SKA2: variants seen among roughly 807,000 people sequenced by gnomAD.
SKA2 encodes the protein spindle and kinetochore associated complex subunit 2.
A neutral mutation model predicts 16.9 loss-of-function variants in SKA2; 13 were observed. The ratio of observed to expected loss-of-function variants is 0.77; its 90% CI spans 0.50 to 1.22. The LOEUF (loss-of-function observed/expected upper bound fraction) is 1.22. Among genes scored for constraint, SKA2 ranks in the 50% most tolerant of loss-of-function variants. SKA2 has a pLI of 0.00. For synonymous variants in SKA2, 47 were observed against 48.5 expected (o/e 0.97, Z 0.13); for missense variants, 107 against 139.7 (o/e 0.77, Z 1.18).
intron 2 of SKA2, among the ~76,000 whole-genome samples, chr17:59,126,992 T>C (rs2046376573): frequency 6.6e-6 from 1 of 152,196 alleles, no homozygotes; most frequent in African/African-American, 2.4e-5. Context: ...ACATTATAAG[T>C]GACATACATG....
At chr17:59,123,323 C>A (rs2046349253) in intron 2 of SKA2, among the ~76,000 whole-genome samples, 1 of 143,250 alleles carries the variant, frequency 7.0e-6, no homozygotes, top group Non-Finnish European at 1.5e-5. Flanking sequence ...CTTTGGGAAG[C>A]TGAAGCGGGT....
intron 1 of SKA2, among the ~76,000 whole-genome samples, chr17:59,143,304 A>G (rs2046507084): frequency 6.6e-6 from 1 of 151,920 alleles, no homozygotes; most frequent in Non-Finnish European, 1.5e-5. Context: ...CCCAGGTTCA[A>G]GCAATTCTCC....
chr17:59,138,839 G>A (rs571879137), intron 1 of SKA2, among the ~76,000 whole-genome samples: 8 of 152,162 alleles, frequency 5.3e-5, no homozygotes, highest in East Asian at 1.9e-4. Flanking sequence ...AATATATTGC[G>A]GTTGTCACAA....
chr17:59,122,355 AG>A (rs2046340917), intron 2 of SKA2, among the ~76,000 whole-genome samples: 1 of 152,082 alleles, frequency 6.6e-6, no homozygotes, highest in South Asian at 2.1e-4. Context: ...CACGCCTGCA[AG>A]TCCCAGCACT....
At chr17:59,150,892 A>G (rs2046572183) in intron 1 of SKA2, among the ~76,000 whole-genome samples, 1 of 152,246 alleles carries the variant, frequency 6.6e-6, no homozygotes, top group Non-Finnish European at 1.5e-5. Context: ...AACAAATTAT[A>G]AAGTATTACT....
chr17:59,149,962 C>T (rs1054669952), intron 1 of SKA2, among the ~76,000 whole-genome samples: 4 of 152,316 alleles, frequency 2.6e-5, no homozygotes, highest in Admixed American at 6.5e-5. Flanking sequence ...CTCGAGTGAT[C>T]TTCCCACCTC....
At chr17:59,114,791 T>C (rs2046285600) in intron 3 of SKA2, among the ~76,000 whole-genome samples, 1 of 152,098 alleles carries the variant, frequency 6.6e-6, no homozygotes, top group African/African-American at 2.4e-5. Context: ...TGTGGGGAAT[T>C]AATAGGAGGT....
In SKA2 at chr17:59,119,433, A is replaced by G. The variant is rs372053061; in HGVS notation, c.183T>C (p.Tyr61=). ...CAACAGCAACTGGTTTAAAGCGGGCATACAAAGTTTGATATCGAGACTTTA... is the reference window on the plus strand; with the variant it reads ...CAACAGCAACTGGTTTAAAGCGGGCGTACAAAGTTTGATATCGAGACTTTA... ...SVIKSRYQTL[Y]ARFKPVAVEQ... The change falls in exon 3 of 4, where the codon TAT becomes TAC. Residue 61 remains tyrosine (Y), a synonymous_variant. Coordinates refer to ENST00000330137, the MANE Select transcript of SKA2 (RefSeq NM_182620.4). 1.4e-5 allele frequency: 23 copies of G among 1,613,922 alleles called. No individual in the cohort carries two copies. Among genetic ancestry groups the G allele is most frequent in the Non-Finnish European group, 1.9e-5 (23 of 1,179,894 alleles).
intron 1 of SKA2, 98 bp from the exon 2 acceptor site, chr17:59,131,465 A>G (rs1568306209): frequency 5.8e-6 from 4 of 690,688 alleles, no homozygotes; most frequent in African/African-American, 1.8e-5. Flanking sequence ...TAGTATTTCA[A>G]TAAGTGATAC....
chr17:59,148,195 A>C (rs1183768861), intron 1 of SKA2, among the ~76,000 whole-genome samples: 1 of 152,172 alleles, frequency 6.6e-6, no homozygotes, highest in African/African-American at 2.4e-5. Context: ...CTACACACTG[A>C]AAATTGCAAA....
chr17:59,134,001 A>G (rs2046427468), intron 1 of SKA2, among the ~76,000 whole-genome samples: 1 of 152,192 alleles, frequency 6.6e-6, no homozygotes, highest in Non-Finnish European at 1.5e-5. Context: ...CTTTTCATTT[A>G]TCCTCTATAC....
intron 2 of SKA2, among the ~76,000 whole-genome samples, chr17:59,128,330 A>C (rs2046385584): frequency 6.6e-6 from 1 of 151,970 alleles, no homozygotes; most frequent in Admixed American, 6.6e-5. Flanking sequence ...GAAACTTAGA[A>C]ACATCCTAAG....
intron 1 of SKA2, among the ~76,000 whole-genome samples, chr17:59,148,316 C>T (rs2046549755): frequency 6.6e-6 from 1 of 152,144 alleles, no homozygotes; most frequent in African/African-American, 2.4e-5. Context: ...TGGTTCACTC[C>T]TGTAGTTCCA....
rs2046316869 is a variant in SKA2 at position 59,119,284 on chromosome 17, CT to C, written c.297+34del. The stretch of plus-strand genomic sequence containing the variant: ...TTCAAAGCAACACTCAGAGCTAAAG[CT>C]AAACAAATCTAACCTGTCAACTGAA... On this transcript the variant is annotated intron_variant, in intron 3 of 3. Coordinates refer to ENST00000330137, the MANE Select transcript of SKA2 (RefSeq NM_182620.4). 3.7e-6 allele frequency: 6 copies of C among 1,605,948 alleles called. No homozygotes were observed. In the East Asian group the frequency reaches 1.3e-4, roughly 36 times the overall value.
intron 3 of SKA2, among the ~76,000 whole-genome samples, chr17:59,113,685 G>A (rs2147790845): frequency 6.6e-6 from 1 of 152,154 alleles, no homozygotes; most frequent in East Asian, 1.9e-4. Flanking sequence ...AATTAGCTGG[G>A]CATGGTGGCA....
chr17:59,122,467 C>T (rs765043178), intron 2 of SKA2, among the ~76,000 whole-genome samples: 3 of 151,924 alleles, frequency 2.0e-5, no homozygotes, highest in South Asian at 4.2e-4. Flanking sequence ...AAAAATTAGC[C>T]GGGCGTGGTA....
Position 59,114,402 on chromosome 17 carries a change from A to G in SKA2, c.298-2057T>C, listed in dbSNP as rs2046283333. Among the ~76,000 whole-genome samples the G allele has an allele frequency of 2.0e-5, 3 of 152,186 alleles. No individual in the cohort carries two copies. In the South Asian group the frequency reaches 6.2e-4, roughly 31 times the overall value. The stretch of plus-strand genomic sequence containing the variant: ...TTACACAAACAGGGATTGTATATAT[A>G]CACTCAGGCTATATGGTATAGCCTA... On this transcript the variant is annotated intron_variant, in intron 3 of 3. Coordinates refer to ENST00000330137, the MANE Select transcript of SKA2 (RefSeq NM_182620.4).
chr17:59,135,871 AT>A (rs1568307521), intron 1 of SKA2, among the ~76,000 whole-genome samples: 1 of 149,796 alleles, frequency 6.7e-6, no homozygotes, highest in African/African-American at 2.4e-5. Flanking sequence ...TTTTTAAAAT[AT>A]TTTTTTAAAA....
At chr17:59,154,746 T>C (rs1239909500) in intron 1 of SKA2, among the ~76,000 whole-genome samples, 2 of 152,182 alleles carry the variant, frequency 1.3e-5, no homozygotes, top group East Asian at 3.9e-4. Context: ...TTCCCCTTTC[T>C]TGGAGTGTGA....
Sources: gnomAD v4.1 joint callset for allele counts (sites outside exome capture counted in the v4.1 genomes callset) on GRCh38, gnomAD v4.1.1 for gene constraint, MANE v1.5 for transcripts, NCBI Gene and HGNC (gene_info 2026-07-23, HGNC 2026-07-21) for gene names.